KMT2C: variants seen among roughly 807,000 people sequenced by gnomAD.
The protein encoded by KMT2C is lysine methyltransferase 2C.
A neutral mutation model predicts 507.9 loss-of-function variants in KMT2C; 88 were observed. The ratio of observed to expected loss-of-function variants is 0.17; its 90% CI spans 0.15 to 0.21. KMT2C has a LOEUF of 0.21. Among genes scored for constraint, KMT2C ranks in the 10% least tolerant of loss-of-function variants. The pLI, the probability that KMT2C is intolerant of heterozygous loss-of-function variation, is 1.00. For synonymous variants in KMT2C, 2,049 were observed against 2,080.8 expected (o/e 0.98, Z 0.42); for missense variants, 4,954 against 5,957.8 (o/e 0.83, Z 5.55).
chr7:152,191,989 G>C (rs2093808089), intron 31 of KMT2C, among the ~76,000 whole-genome samples: 1 of 151,096 alleles, frequency 6.6e-6, no homozygotes, highest in Admixed American at 6.6e-5. Flanking sequence ...AACTCCTAAG[G>C]GTAGGCAACC....
intron 23 of KMT2C, among the ~76,000 whole-genome samples, chr7:152,214,453 A>C (rs745331499): frequency 5.9e-5 from 9 of 152,184 alleles, no homozygotes; most frequent in Non-Finnish European, 1.0e-4. Context: ...CGTTAAGCTA[A>C]ATGAACATAC....
At chr7:152,314,509 G>C (rs941197482) in intron 4 of KMT2C, among the ~76,000 whole-genome samples, 1 of 139,988 alleles carries the variant, frequency 7.1e-6, no homozygotes, top group Non-Finnish European at 1.5e-5. Context: ...CGTGAATACA[G>C]ACATACACAC....
chr7:152,395,922 G>A (rs962243504), intron 1 of KMT2C, among the ~76,000 whole-genome samples: 3 of 152,216 alleles, frequency 2.0e-5, no homozygotes, highest in African/African-American at 7.2e-5. Context: ...ATTAGTTGAT[G>A]CTGATAAAGT....
rs754940710 is a variant in KMT2C at position 152,250,927 on chromosome 7, T to C, written c.1661A>G (p.Gln554Arg). Reference protein sequence around the residue: ...NEMEVEGPEDQMVFSEQAANK... With the variant: ...NEMEVEGPEDRMVFSEQAANK... ...AGCTGCCTGCTCTGAGAATACCATT[T>C]GATCTTCAGGGCCTTCAACTTCCAT... Residue 554 changes from glutamine to arginine, a missense_variant, in exon 12 of 59, where the codon CAA becomes CGA. This residue lies in a region of KMT2C where 376 missense variants were observed against 352.4 expected (regional missense o/e 1.07). Transcript: ENST00000262189. The C allele has an allele frequency of 4.3e-6, 7 of 1,609,742 alleles. No homozygotes were observed. In the South Asian group the frequency reaches 7.7e-5, roughly 18 times the overall value.
intron 24 of KMT2C, among the ~76,000 whole-genome samples, chr7:152,206,655 C>A (rs1486121670): frequency 6.6e-6 from 1 of 152,004 alleles, no homozygotes; most frequent in Admixed American, 6.6e-5. Flanking sequence ...GTGTGATAAG[C>A]GGGAAAAAAA....
intron 2 of KMT2C, among the ~76,000 whole-genome samples, chr7:152,336,960 C>T (rs1589274679): frequency 2.0e-5 from 3 of 149,812 alleles, no homozygotes; most frequent in Middle Eastern, 6.8e-3. Context: ...TCTCCATCCA[C>T]TAGGTGGCAC....
chr7:152,237,501 T>C (rs555814964), intron 15 of KMT2C, among the ~76,000 whole-genome samples: 3,314 of 152,126 alleles, frequency 0.022, 89 homozygotes, highest in African/African-American at 0.075. Flanking sequence ...GGGTTTTTTT[T>C]GTTTGTTTAT....
chr7:152,380,345 A>G (rs1023223295), intron 1 of KMT2C, among the ~76,000 whole-genome samples: 2 of 152,270 alleles, frequency 1.3e-5, no homozygotes, highest in African/African-American at 4.8e-5. Context: ...AGGCAGGCAG[A>G]TCACCTGAGG....
intron 35 of KMT2C, 75 bp from the exon 36 acceptor site, chr7:152,182,669 A>G (rs2093471759): frequency 1.5e-6 from 2 of 1,323,742 alleles, no homozygotes; most frequent in African/African-American, 2.9e-5. Flanking sequence ...GGAAAAAGCA[A>G]CAGAAAGTTA....
At chr7:152,393,379 ACTTT>A (rs2097515287) in intron 1 of KMT2C, among the ~76,000 whole-genome samples, 1 of 152,216 alleles carries the variant, frequency 6.6e-6, no homozygotes, top group Non-Finnish European at 1.5e-5. Context: ...ACAAATACTT[ACTTT>A]CTTAGCATGC....
intron 1 of KMT2C, among the ~76,000 whole-genome samples, chr7:152,376,785 A>C (rs1248491601): frequency 6.6e-6 from 1 of 152,296 alleles, no homozygotes; most frequent in Non-Finnish European, 1.5e-5. Flanking sequence ...AACTAAGATC[A>C]TTGCTGGAGG....
Position 152,171,236 on chromosome 7 carries a change from T to C in KMT2C, c.9453+28A>G, listed in dbSNP as rs762044055. On this transcript the variant is annotated intron_variant, in intron 40 of 58. Coordinates refer to ENST00000262189, the MANE Select transcript of KMT2C (RefSeq NM_170606.3). ...CTGGGAAACAGAAAAGCGTGCATTC[T>C]AGAGGGACTCATTACAGGCAGTGTT... 4.8e-5 allele frequency: 73 copies of C among 1,510,314 alleles called. 2 individuals carry two copies. In the South Asian group the frequency reaches 7.6e-4, roughly 16 times the overall value. 93.6% of individuals were successfully genotyped at this position (1,510,314 alleles called of 1,614,324 possible).
At chr7:152,309,868 T>C in intron 6 of KMT2C, 98 bp downstream of exon 6, 1 of 777,140 alleles carries the variant, frequency 1.3e-6, no homozygotes, top group Admixed American at 2.6e-5. Context: ...TTGAGAGCTT[T>C]TACACTACAG....
chr7:152,310,551 C>A (rs965976353), intron 5 of KMT2C, among the ~76,000 whole-genome samples: 1 of 152,142 alleles, frequency 6.6e-6, no homozygotes, highest in East Asian at 1.9e-4. Flanking sequence ...TGCAACAGAG[C>A]AAGACTCCGT....
At chr7:152,262,458 C>T (rs2095796335) in intron 9 of KMT2C, among the ~76,000 whole-genome samples, 2 of 152,218 alleles carry the variant, frequency 1.3e-5, no homozygotes, top group South Asian at 4.1e-4. Context: ...GCTCTGAACG[C>T]CTCACCCTGA....
intron 23 of KMT2C, among the ~76,000 whole-genome samples, chr7:152,214,544 C>CT (rs111689728): frequency 2.0e-5 from 3 of 152,198 alleles, no homozygotes; most frequent in South Asian, 4.2e-4. Flanking sequence ...TTTTGTCATA[C>CT]TTTTTTCCCC....
chr7:152,333,510 C>G (rs1272289393), intron 2 of KMT2C, among the ~76,000 whole-genome samples: 1 of 152,142 alleles, frequency 6.6e-6, no homozygotes, highest in Admixed American at 6.6e-5. Context: ...ACATCTCTAG[C>G]ACTAACTCCT....
Position 152,135,068 on chromosome 7 carries a change from A to G in KMT2C, c.*1764T>C, listed in dbSNP as rs1157928341. 8.7e-6 allele frequency: 2 copies of G among 229,174 alleles called. No homozygotes were observed. Among genetic ancestry groups the G allele is most frequent in the Non-Finnish European group, 1.7e-5 (2 of 115,348 alleles). The allele number at this position is 229,174 out of a possible 1,614,324, so 14.2% of individuals were successfully genotyped here. Reference sequence around the variant, plus strand: ...CTATTATACAGAACAGAAAACAACAAAAACCCGGTAGGACAAATACTGGTA... The same window carrying G: ...CTATTATACAGAACAGAAAACAACAGAAACCCGGTAGGACAAATACTGGTA... On this transcript the variant is annotated 3_prime_UTR_variant, in exon 59 of 59. Transcript: ENST00000262189.
At chr7:152,186,509 T>C (rs1450006171) in intron 33 of KMT2C, among the ~76,000 whole-genome samples, 1 of 152,172 alleles carries the variant, frequency 6.6e-6, no homozygotes, top group Non-Finnish European at 1.5e-5. Context: ...TTACAATACA[T>C]AATGAATAAA....
Sources: gnomAD v4.1 joint callset for allele counts (sites outside exome capture counted in the v4.1 genomes callset) on GRCh38, gnomAD v4.1.1 for gene constraint, gnomAD v4.1.1 regional missense constraint, MANE v1.5 for transcripts, NCBI Gene and HGNC (gene_info 2026-07-23, HGNC 2026-07-21) for gene names.